WWTR1: variants seen among roughly 807,000 people sequenced by gnomAD.
The protein encoded by WWTR1 is WW domain containing transcription regulator 1, also known as WW domain-containing transcription regulator protein 1.
Under a neutral mutation model 40.1 loss-of-function variants are expected in WWTR1, and 13 were observed. That is an observed-to-expected ratio of 0.32 (90% CI 0.21 to 0.52). The LOEUF (loss-of-function observed/expected upper bound fraction) is 0.52. WWTR1 is among the 20% of genes least tolerant of loss of function. WWTR1 has a pLI of 0.97. For synonymous variants in WWTR1, 230 were observed against 210.1 expected (o/e 1.09, Z -0.82); for missense variants, 436 against 523.1 (o/e 0.83, Z 1.63).
intron 2 of WWTR1, among the ~76,000 whole-genome samples, chr3:149,592,914 G>C (rs1422681362): frequency 1.3e-5 from 2 of 151,982 alleles, no homozygotes; most frequent in African/African-American, 2.4e-5. Flanking sequence ...TCTAACTTTA[G>C]CAAGTCCCTT....
intron 5 of WWTR1, among the ~76,000 whole-genome samples, chr3:149,709,031 C>T (rs959314197): frequency 2.6e-5 from 4 of 152,078 alleles, no homozygotes; most frequent in Admixed American, 2.0e-4. Flanking sequence ...TCTTGAGACA[C>T]GGTCTCGCTC....
chr3:149,694,162 G>A (rs1349226981), intron 1 of WWTR1, among the ~76,000 whole-genome samples: 1 of 152,232 alleles, frequency 6.6e-6, no homozygotes, highest in Admixed American at 6.5e-5. Context: ...GGGAGGCCGA[G>A]GCAGGTGGAT....
At chr3:149,713,155 G>A (rs1175660212) in intron 5 of WWTR1, among the ~76,000 whole-genome samples, 1 of 152,078 alleles carries the variant, frequency 6.6e-6, no homozygotes, top group East Asian at 1.9e-4. Context: ...AGGTGAAGGT[G>A]GGGTTTGAGG....
At chr3:149,558,393 G>A (rs184400747) in intron 3 of WWTR1, among the ~76,000 whole-genome samples, 16 of 152,272 alleles carry the variant, frequency 1.1e-4, no homozygotes, top group Non-Finnish European at 1.9e-4. Context: ...TTACTTGTTA[G>A]TCATCCCGAG....
chr3:149,661,624 A>C (rs1293174200), upstream of WWTR1, among the ~76,000 whole-genome samples: 1 of 151,438 alleles, frequency 6.6e-6, no homozygotes, highest in Admixed American at 6.6e-5. Flanking sequence ...GGATTTCATC[A>C]TGTTGGCCAG....
intron 6 of WWTR1, among the ~76,000 whole-genome samples, chr3:149,521,710 T>C (rs932494134): frequency 6.6e-5 from 10 of 152,216 alleles, no homozygotes; most frequent in Non-Finnish European, 1.0e-4. Flanking sequence ...AATGCTGTAC[T>C]AGAGGAAAAG....
At chr3:149,581,284 G>A (rs573051913) in intron 2 of WWTR1, among the ~76,000 whole-genome samples, 36 of 151,824 alleles carry the variant, frequency 2.4e-4, no homozygotes, top group Non-Finnish European at 2.9e-4. Context: ...AAGTCAAGCT[G>A]CCAATGTGCA....
chr3:149,573,093 T>C, intron 2 of WWTR1, 93 bp from the exon 3 acceptor site: 1 of 1,320,522 alleles, frequency 7.6e-7, no homozygotes, highest in Non-Finnish European at 1.0e-6. Context: ...ACACTAATTC[T>C]TCCCTTAGGA....
chr3:149,566,517 G>A (rs1482302403), intron 3 of WWTR1, among the ~76,000 whole-genome samples: 3 of 152,120 alleles, frequency 2.0e-5, no homozygotes, highest in Non-Finnish European at 4.4e-5. Flanking sequence ...AAAAATCACA[G>A]TAGCCAGATG....
intron 2 of WWTR1, among the ~76,000 whole-genome samples, chr3:149,610,775 A>G (rs17787972): frequency 0.055 from 8,423 of 152,222 alleles, 341 homozygotes; most frequent in Non-Finnish European, 0.082. Flanking sequence ...TCAAACATCA[A>G]CTGAACACTC....
At chr3:149,531,340 A>G (rs1463969011) in intron 4 of WWTR1, among the ~76,000 whole-genome samples, 1 of 152,216 alleles carries the variant, frequency 6.6e-6, no homozygotes, top group Non-Finnish European at 1.5e-5. Context: ...CTTAGGTCAC[A>G]AGTTATTCCA....
intron 3 of WWTR1, among the ~76,000 whole-genome samples, chr3:149,547,468 G>A (rs1205250080): frequency 6.6e-6 from 1 of 152,032 alleles, no homozygotes; most frequent in Non-Finnish European, 1.5e-5. Flanking sequence ...GGAGGTTGCA[G>A]TCACCCGAGA....
intron 2 of WWTR1, among the ~76,000 whole-genome samples, chr3:149,668,286 C>G (rs1171931346): frequency 1.3e-5 from 2 of 152,148 alleles, no homozygotes. Context: ...AAAAATCTCT[C>G]TCTTCTATCT....
intron 4 of WWTR1, among the ~76,000 whole-genome samples, chr3:149,541,684 G>A (rs895503487): frequency 6.6e-6 from 1 of 152,000 alleles, no homozygotes; most frequent in Non-Finnish European, 1.5e-5. Flanking sequence ...TAGGCCCCAA[G>A]AAATTGGCAA....
intron 4 of WWTR1, among the ~76,000 whole-genome samples, chr3:149,537,584 AT>A (rs1735896466): frequency 6.6e-6 from 1 of 152,096 alleles, no homozygotes. Flanking sequence ...TTCTTTTATT[AT>A]TCTTTTTGTT....
chr3:149,621,983 A>G (rs1169018027), intron 2 of WWTR1, among the ~76,000 whole-genome samples: 2 of 152,082 alleles, frequency 1.3e-5, no homozygotes, highest in Non-Finnish European at 2.9e-5. Context: ...TCACTCACTC[A>G]CCTTTATCTA....
chr3:149,547,467 A>G (rs1020310717), intron 3 of WWTR1, among the ~76,000 whole-genome samples: 1 of 152,084 alleles, frequency 6.6e-6, no homozygotes, highest in African/African-American at 2.4e-5. Context: ...TGGAGGTTGC[A>G]GTCACCCGAG....
intron 2 of WWTR1, among the ~76,000 whole-genome samples, chr3:149,610,550 G>C (rs1177106199): frequency 6.6e-6 from 1 of 152,196 alleles, no homozygotes; most frequent in East Asian, 1.9e-4. Context: ...TATAAATAAA[G>C]AATTCTTTGA....
At chr3:149,600,897 T>A (rs1739211183) in intron 2 of WWTR1, among the ~76,000 whole-genome samples, 1 of 152,172 alleles carries the variant, frequency 6.6e-6, no homozygotes, top group Non-Finnish European at 1.5e-5. Context: ...AAATGTTGCC[T>A]GGCTGACAGT....
Sources: allele counts gnomAD v4.1 joint callset (sites outside exome capture counted in the v4.1 genomes callset), GRCh38; gene constraint gnomAD v4.1.1; transcripts MANE v1.5; gene names NCBI Gene and HGNC (gene_info 2026-07-23, HGNC 2026-07-21).